SLC28A3: variants seen among roughly 807,000 people sequenced by gnomAD.
SLC28A3 encodes the protein solute carrier family 28 member 3.
Under a neutral mutation model 84.2 loss-of-function variants are expected in SLC28A3, and 68 were observed. The observed-to-expected ratio is 0.81, with a 90% CI of 0.66 to 0.99. The LOEUF (loss-of-function observed/expected upper bound fraction) is 0.99. Among genes scored for constraint, SLC28A3 ranks in the 50% least tolerant of loss-of-function variants. The pLI is 0.00. For missense variants in SLC28A3, 712 were observed against 841.5 expected (o/e 0.85, Z 1.90); for synonymous variants, 267 against 303.6 (o/e 0.88, Z 1.25).
In SLC28A3 at chr9:84,288,144, A is replaced by G. The variant is rs1425783136; in HGVS notation, c.1184T>C (p.Met395Thr). The part of the protein sequence containing the change: ...PSSHLLTASV[M>T]SAPASLAAAK... The stretch of plus-strand genomic sequence containing the variant: ...AGCAGCCAATGACGCAGGTGCTGAC[A>G]TAACTGACGCTGTTAACAAGTGGGA... Residue 395 changes from methionine to threonine, a missense_variant, in exon 12 of 18, where the codon ATG becomes ACG. Physicochemically the swap from Met to Thr is moderately conservative, Grantham distance 81. Transcript: ENST00000376238. The G allele has an allele frequency of 6.2e-7, 1 of 1,614,046 alleles. No individual in the cohort carries two copies. The highest frequency in any genetic ancestry group is 1.3e-5 in the African/African-American group (1 of 74,932).
rs1404574518 is a variant in SLC28A3 at position 84,276,601 on chromosome 9, T to C, written c.*1617A>G. 1 of 152,104 alleles carries C rather than the reference T, an allele frequency of 6.6e-6. No homozygotes were observed. The highest frequency in any genetic ancestry group is 1.5e-5 in the Non-Finnish European group (1 of 68,008). 9.4% of individuals were successfully genotyped at this position (152,104 alleles called of 1,614,324 possible). ...TGAGAATGGGGGGAAAACATGCAAA[T>C]ATATTTTCCTAAAATAAAGTCTGAA... is the stretch of plus-strand genomic sequence containing the variant. On this transcript the variant is annotated 3_prime_UTR_variant, in exon 18 of 18. Coordinates refer to ENST00000376238, the MANE Select transcript of SLC28A3 (RefSeq NM_001199633.2).
the SLC28A3 span, among the ~76,000 whole-genome samples, chr9:84,365,776 C>T: frequency 7.2e-5 from 11 of 152,120 alleles, no homozygotes; most frequent in Admixed American, 2.0e-4. Flanking sequence ...GAAGACTGGG[C>T]GTGGTGGCTT....
intron 4 of SLC28A3, among the ~76,000 whole-genome samples, chr9:84,302,883 G>A (rs542098137): frequency 2.6e-5 from 4 of 152,282 alleles, no homozygotes; most frequent in Admixed American, 6.5e-5. Flanking sequence ...CTAAGGAAAA[G>A]AGGTAGGGGC....
Position 84,340,715 on chromosome 9 carries a change from G to A in SLC28A3, c.-82C>T, listed in dbSNP as rs1827134656. 1.2e-5 allele frequency: 18 copies of A among 1,516,280 alleles called. No individual in the cohort carries two copies. The highest frequency in any genetic ancestry group is 3.6e-6 in the Non-Finnish European group (4 of 1,097,914). The allele number at this position is 1,516,280 out of a possible 1,614,324, so 93.9% of individuals were successfully genotyped here. On this transcript the variant is annotated 5_prime_UTR_variant, in exon 1 of 18. Coordinates refer to ENST00000376238, the MANE Select transcript of SLC28A3 (RefSeq NM_001199633.2). ...CACCAGTCTCTGCTGATGTCAGAAA[G>A]CCACCTGCTGTTACAGGGACCTGGG...
chr9:84,352,290 T>C, the SLC28A3 span, among the ~76,000 whole-genome samples: 1 of 151,978 alleles, frequency 6.6e-6, no homozygotes, highest in African/African-American at 2.4e-5. Flanking sequence ...TTCAAGTGAT[T>C]CTCCTGCCTC....
At chr9:84,330,194 G>T (rs1826724310) in intron 1 of SLC28A3, among the ~76,000 whole-genome samples, 2 of 151,856 alleles carry the variant, frequency 1.3e-5, no homozygotes, top group African/African-American at 4.8e-5. Flanking sequence ...CTAATAGCAA[G>T]TGAAGAGATT....
At chr9:84,288,292 A>G in intron 11 of SLC28A3, 114 bp from the exon 12 acceptor site, 2 of 1,458,170 alleles carry the variant, frequency 1.4e-6, no homozygotes, top group Non-Finnish European at 1.9e-6. Flanking sequence ...TTTCTATTCC[A>G]GAAGACAATG....
At chr9:84,361,628 G>A in the SLC28A3 span, among the ~76,000 whole-genome samples, 2 of 152,044 alleles carry the variant, frequency 1.3e-5, no homozygotes, top group South Asian at 2.1e-4. Context: ...GTGAGGATGC[G>A]TACTGCCTGG....
chr9:84,318,991 T>G (rs926448993), intron 1 of SLC28A3, among the ~76,000 whole-genome samples: 3 of 152,214 alleles, frequency 2.0e-5, no homozygotes, highest in African/African-American at 7.2e-5. Flanking sequence ...TAGTACATTT[T>G]GAATCTATTT....
chr9:84,346,946 G>C, the SLC28A3 span, among the ~76,000 whole-genome samples: 1 of 152,104 alleles, frequency 6.6e-6, no homozygotes, highest in African/African-American at 2.4e-5. Flanking sequence ...AGGTCAAGGT[G>C]GGTGGATTAC....
intron 13 of SLC28A3, 143 bp downstream of exon 13, chr9:84,285,800 T>G: frequency 1.0e-6 from 1 of 1,000,096 alleles, no homozygotes; most frequent in Non-Finnish European, 1.4e-6. Flanking sequence ...AAAAGGTGGG[T>G]GGGAAGTTGG....
At chr9:84,295,880 A>AAT in intron 8 of SLC28A3, among the ~76,000 whole-genome samples, 1 of 152,276 alleles carries the variant, frequency 6.6e-6, no homozygotes. Flanking sequence ...ATCCATTAAT[A>AAT]ATATATATTA....
In SLC28A3 at chr9:84,279,314, G is replaced by A. The variant is rs775016685; in HGVS notation, c.1900C>T (p.Pro634Ser). 1 of 1,613,314 alleles carries A rather than the reference G, an allele frequency of 6.2e-7. No individual in the cohort carries two copies. The highest frequency in any genetic ancestry group is 8.5e-7 in the Non-Finnish European group (1 of 1,179,542). Residue 634 changes from proline (P) to serine (S), a missense_variant, in exon 17 of 18, where the codon CCT (proline) becomes TCT (serine). Physicochemically the swap from Pro to Ser is moderately conservative, Grantham distance 74. Transcript: ENST00000376238. Reference protein sequence around the residue: ...VLENAFNSTFPGNTTKVIACC... With the variant: ...VLENAFNSTFSGNTTKVIACC... ...GCTATCACCTTGGTTGTGTTTCCAG[G>A]GAAAGTGGAGTTGAAGGCATTCTCT...
chr9:84,315,060 CAG>C (rs1453090950), intron 1 of SLC28A3, among the ~76,000 whole-genome samples: 1 of 151,994 alleles, frequency 6.6e-6, no homozygotes, highest in Non-Finnish European at 1.5e-5. Context: ...GCCTGGGCGA[CAG>C]AGCGAGACTC....
At chr9:84,322,317 G>T (rs928901005) in intron 1 of SLC28A3, among the ~76,000 whole-genome samples, 2 of 152,176 alleles carry the variant, frequency 1.3e-5, no homozygotes, top group African/African-American at 2.4e-5. Context: ...CCTTCATCTT[G>T]GAACATCTTG....
At chr9:84,306,894 A>G (rs1340256668) in intron 3 of SLC28A3, among the ~76,000 whole-genome samples, 1 of 148,918 alleles carries the variant, frequency 6.7e-6, no homozygotes, top group Non-Finnish European at 1.5e-5. Flanking sequence ...GTGGTGGCTC[A>G]TGCCTGTAAT....
chr9:84,282,712 C>T (rs1279573859), intron 14 of SLC28A3, among the ~76,000 whole-genome samples: 3 of 152,124 alleles, frequency 2.0e-5, no homozygotes, highest in African/African-American at 2.4e-5. Context: ...TGTTGTTCAC[C>T]AGAGGCACAC....
intron 1 of SLC28A3, among the ~76,000 whole-genome samples, chr9:84,321,411 G>T (rs1297127134): frequency 6.6e-6 from 1 of 151,854 alleles, no homozygotes; most frequent in Non-Finnish European, 1.5e-5. Flanking sequence ...TTCCTTTAGG[G>T]TTCCTGATCC....
rs1224996397 is a variant in SLC28A3 at position 84,279,331 on chromosome 9, G to A, written c.1883C>T (p.Ala628Val). ...DINCHHVLENAFNSTFPGNTT... is the reference protein window; with the variant it reads ...DINCHHVLENVFNSTFPGNTT... Reference sequence around the variant, plus strand: ...GTTTCCAGGGAAAGTGGAGTTGAAGGCATTCTCTAAAACGTGATGGCAGTT... The same window carrying A: ...GTTTCCAGGGAAAGTGGAGTTGAAGACATTCTCTAAAACGTGATGGCAGTT... The change falls in exon 17 of 18, where the codon GCC (alanine) becomes GTC (valine). Residue 628 changes from alanine to valine, a missense_variant. Physicochemically the swap from Ala to Val is moderately conservative, Grantham distance 64 (BLOSUM62 0). Transcript: ENST00000376238. The A allele has an allele frequency of 1.2e-6, 2 of 1,613,346 alleles. No individual in the cohort carries two copies. The highest frequency in any genetic ancestry group is 1.7e-5 in the Admixed American group (1 of 59,990).
Sources: gnomAD v4.1 joint callset for allele counts (sites outside exome capture counted in the v4.1 genomes callset) on GRCh38, gnomAD v4.1.1 for gene constraint, MANE v1.5 for transcripts, NCBI Gene and HGNC (gene_info 2026-07-23, HGNC 2026-07-21) for gene names.